The following PHF20L1 variants were observed in gnomAD, a reference collection of about 807,000 sequenced individuals.
PHF20L1 encodes the protein PHD finger protein 20 like 1, also known as PHD finger protein 20-like protein 1.
PHF20L1 carries 44 observed loss-of-function variants against 125.5 expected under a neutral mutation model. That is an observed-to-expected ratio of 0.35 (90% CI 0.28 to 0.45). PHF20L1 has a LOEUF of 0.45. Among genes scored for constraint, PHF20L1 ranks in the 20% least tolerant of loss-of-function variants. PHF20L1 has a pLI of 1.00. For synonymous variants in PHF20L1, 380 were observed against 403.1 expected, an observed-to-expected ratio of 0.94 and a Z score of 0.69; for missense variants, 1,012 against 1,217.2, an observed-to-expected ratio of 0.83 and a Z score of 2.51.
intron 6 of PHF20L1, among the ~76,000 whole-genome samples, chr8:132,800,269 T>C (rs937228711): frequency 1.3e-5 from 2 of 151,796 alleles, no homozygotes; most frequent in African/African-American, 4.8e-5. Flanking sequence ...TGATGCATTA[T>C]AACATTAAGA....
At chr8:132,823,479 C>T (rs532118300) in intron 12 of PHF20L1, among the ~76,000 whole-genome samples, 1 of 152,032 alleles carries the variant, frequency 6.6e-6, no homozygotes, top group South Asian at 2.1e-4. Flanking sequence ...CTAGAGTAGA[C>T]CTTTACTGAT....
At chr8:132,789,699 G>A (rs1051763299) in intron 2 of PHF20L1, among the ~76,000 whole-genome samples, 13 of 152,072 alleles carry the variant, frequency 8.5e-5, no homozygotes, top group African/African-American at 9.7e-5. Flanking sequence ...TAGGCTCAGC[G>A]GTGGAGGTGA....
chr8:132,805,091 AT>A (rs988333644), intron 8 of PHF20L1, among the ~76,000 whole-genome samples: 8 of 151,952 alleles, frequency 5.3e-5, no homozygotes, highest in Admixed American at 3.9e-4. Flanking sequence ...CAGATTTTAA[AT>A]TTTTTTATAC....
intron 19 of PHF20L1, chr8:132,843,466 T>TA: frequency 1.0e-6 from 1 of 980,924 alleles, no homozygotes; most frequent in Non-Finnish European, 1.2e-6. Flanking sequence ...CTGCATTCCT[T>TA]AACAAGTAAT....
chr8:132,803,012 T>G (rs1215522694), intron 6 of PHF20L1, among the ~76,000 whole-genome samples: 1 of 151,824 alleles, frequency 6.6e-6, no homozygotes, highest in Non-Finnish European at 1.5e-5. Flanking sequence ...TAGGAACACT[T>G]TATACTTCCT....
At position 132,794,515 on chromosome 8, in the gene PHF20L1, T is replaced by C. The variant is rs775811025; in HGVS notation, c.189T>C (p.Asn63=). ...ATGAGTGGATTTACTGGGATAGCAATAGATTGCGACCCCTTGAGAGACCAG... is the reference window on the plus strand; with the variant it reads ...ATGAGTGGATTTACTGGGATAGCAACAGATTGCGACCCCTTGAGAGACCAG... ...RYDEWIYWDS[N]RLRPLERPAL... The change falls in exon 3 of 21, where the codon AAT becomes AAC. Residue 63 remains asparagine (N), a synonymous_variant. Coordinates refer to ENST00000395386, the MANE Select transcript of PHF20L1 (RefSeq NM_016018.5). 6.2e-7 allele frequency: 1 copy of C among 1,611,966 alleles called. No homozygotes were observed. Among genetic ancestry groups the C allele is most frequent in the African/African-American group, 1.3e-5 (1 of 74,986 alleles).
intron 18 of PHF20L1, among the ~76,000 whole-genome samples, chr8:132,840,259 C>T (rs2131918996): frequency 6.6e-6 from 1 of 152,200 alleles, no homozygotes; most frequent in African/African-American, 2.4e-5. Flanking sequence ...AGACACTTGT[C>T]CCATCCTCTC....
chr8:132,802,058 T>C (rs906693272), intron 6 of PHF20L1, among the ~76,000 whole-genome samples: 3 of 151,670 alleles, frequency 2.0e-5, no homozygotes, highest in South Asian at 2.1e-4. Flanking sequence ...GTATGATCTC[T>C]GTGGCATATA....
At chr8:132,798,713 A>G in intron 4 of PHF20L1, 59 bp from the exon 5 acceptor site, 2 of 1,068,432 alleles carry the variant, frequency 1.9e-6, no homozygotes, top group Non-Finnish European at 2.8e-6. Flanking sequence ...GTTAGATTTC[A>G]AGTGTTGCTG....
intron 15 of PHF20L1, among the ~76,000 whole-genome samples, chr8:132,835,055 T>G (rs763486701): frequency 6.6e-6 from 1 of 152,148 alleles, no homozygotes; most frequent in East Asian, 1.9e-4. Context: ...CGTGAATTTT[T>G]AAAGTTCAAA....
rs763799706 is a variant in PHF20L1, at chr8:132,842,879, A to G, written c.2748+4A>G. The G allele has an allele frequency of 1.3e-6, 2 of 1,584,468 alleles. No individual in the cohort carries two copies. Among genetic ancestry groups the G allele is most frequent in the Middle Eastern group, 1.7e-4 (1 of 5,908 alleles). On this transcript the variant is annotated splice_donor_region_variant and intron_variant, in intron 19 of 20. Coordinates refer to ENST00000395386, the MANE Select transcript of PHF20L1 (RefSeq NM_016018.5). Reference sequence around the variant, plus strand: ...AGAACATGGAATGCCTGAAAAGGTAAAACTAGTTCATTTTTCTTTGCTTGG... The same window carrying G: ...AGAACATGGAATGCCTGAAAAGGTAGAACTAGTTCATTTTTCTTTGCTTGG...
intron 11 of PHF20L1, 56 bp downstream of exon 11, chr8:132,817,132 T>TA: frequency 9.0e-7 from 1 of 1,113,278 alleles, no homozygotes; most frequent in Non-Finnish European, 1.3e-6. Context: ...AAGAAAAAAC[T>TA]AAGAGATAAA....
intron 8 of PHF20L1, chr8:132,808,390 T>C (rs988053831): frequency 2.6e-5 from 4 of 152,238 alleles, no homozygotes; most frequent in Non-Finnish European, 4.4e-5. Flanking sequence ...TTACTACTTG[T>C]GGTACCTTAT....
At chr8:132,793,317 C>T (rs749217103) in intron 2 of PHF20L1, among the ~76,000 whole-genome samples, 3 of 152,040 alleles carry the variant, frequency 2.0e-5, no homozygotes, top group Non-Finnish European at 2.9e-5. Flanking sequence ...GTCAAAAGAT[C>T]GAAGAAGCTC....
intron 6 of PHF20L1, among the ~76,000 whole-genome samples, chr8:132,802,755 G>T (rs1412766280): frequency 6.6e-6 from 1 of 151,796 alleles, no homozygotes; most frequent in Non-Finnish European, 1.5e-5. Flanking sequence ...TTTTAAGGCA[G>T]TGTTAATCTA....
intron 2 of PHF20L1, among the ~76,000 whole-genome samples, chr8:132,780,341 A>G (rs1426192225): frequency 6.6e-6 from 1 of 152,136 alleles, no homozygotes; most frequent in Non-Finnish European, 1.5e-5. Flanking sequence ...AATAAACTTA[A>G]TTCTTCATAT....
Position 132,824,018 on chromosome 8 carries a change from G to GAA in PHF20L1, c.1601_1602dup (p.Val535LysfsTer2). The GAA allele has an allele frequency of 6.3e-7, 1 of 1,594,356 alleles. No homozygotes were observed. Among genetic ancestry groups the GAA allele is most frequent in the Non-Finnish European group, 8.6e-7 (1 of 1,166,604 alleles). On this transcript the variant is annotated frameshift_variant, in exon 13 of 21. Transcript: ENST00000395386. LOFTEE classifies it high-confidence loss of function. ...CTAACCCACAGGAATATCGAAAACA[G>GAA]AAAAAAAAGTGAAATTGGAAGACAA...
At position 132,794,752 on chromosome 8, in the gene PHF20L1, A is replaced by T; in HGVS notation, c.275A>T (p.Glu92Val). 1.2e-6 allele frequency: 2 copies of T among 1,612,556 alleles called. No individual in the cohort carries two copies. The highest frequency in any genetic ancestry group is 1.7e-6 in the Non-Finnish European group (2 of 1,178,902). ...EDFFDFKAGE[E>V]VLARWTDCRY... ...AAATAGGATTTTAAAGCTGGAGAAGAAGTTCTGGCTCGTTGGACAGACTGT... is the reference window on the plus strand; with the variant it reads ...AAATAGGATTTTAAAGCTGGAGAAGTAGTTCTGGCTCGTTGGACAGACTGT... Residue 92 changes from glutamate to valine, a missense_variant, in exon 4 of 21, where the codon GAA (glutamate) becomes GTA (valine). This residue lies in a region of PHF20L1 where 94 missense variants were observed against 179.5 expected (regional missense o/e 0.52). Transcript: ENST00000395386.
intron 2 of PHF20L1, 105 bp downstream of exon 2, chr8:132,778,016 A>T: frequency 1.4e-6 from 1 of 720,022 alleles, no homozygotes; most frequent in Non-Finnish European, 2.4e-6. Context: ...ACATCAGTGT[A>T]TTCACATTTC....
Sources: gnomAD v4.1 joint callset for allele counts (sites outside exome capture counted in the v4.1 genomes callset) on GRCh38, gnomAD v4.1.1 for gene constraint, gnomAD v4.1.1 regional missense constraint, MANE v1.5 for transcripts, NCBI Gene and HGNC (gene_info 2026-07-23, HGNC 2026-07-21) for gene names.